SUPT3H: variants seen among roughly 807,000 people sequenced by gnomAD.
SUPT3H encodes transcription initiation protein SPT3 homolog.
In SUPT3H, 44 loss-of-function variants were observed where a neutral mutation model predicts 44.3. The observed-to-expected ratio is 0.99, with a 90% CI of 0.78 to 1.28. The LOEUF is 1.28. SUPT3H is among the 50% of genes most tolerant of loss of function. The pLI, the probability that SUPT3H is intolerant of heterozygous loss-of-function variation, is 0.00. For synonymous variants in SUPT3H, 124 were observed against 125.6 expected, an observed-to-expected ratio of 0.99 and a Z score of 0.09; for missense variants, 380 against 387.1, an observed-to-expected ratio of 0.98 and a Z score of 0.15.
chr6:45,107,858 C>A (rs1562473892), intron 2 of SUPT3H, among the ~76,000 whole-genome samples: 1 of 152,024 alleles, frequency 6.6e-6, no homozygotes, highest in Non-Finnish European at 1.5e-5. Flanking sequence ...AAATAAGTAT[C>A]TATTAACTAT....
downstream of SUPT3H, among the ~76,000 whole-genome samples, chr6:44,824,623 GA>G (rs1231163626): frequency 6.6e-6 from 1 of 152,138 alleles, no homozygotes; most frequent in Non-Finnish European, 1.5e-5. Flanking sequence ...AGAAGCTGCT[GA>G]CTGGGTGTGG....
At chr6:44,884,055 T>TAC (rs1206303828) in intron 10 of SUPT3H, among the ~76,000 whole-genome samples, 3 of 152,032 alleles carry the variant, frequency 2.0e-5, no homozygotes, top group African/African-American at 7.2e-5. Flanking sequence ...TGAAAGAAAC[T>TAC]CATCAGAGTG....
At chr6:45,004,922 C>T (rs1782490066) in intron 5 of SUPT3H, among the ~76,000 whole-genome samples, 1 of 152,152 alleles carries the variant, frequency 6.6e-6, no homozygotes, top group Non-Finnish European at 1.5e-5. Flanking sequence ...CCACAGCTTT[C>T]CAGCCAATCC....
chr6:45,153,988 T>G (rs1015033833), intron 2 of SUPT3H, among the ~76,000 whole-genome samples: 5 of 145,072 alleles, frequency 3.4e-5, no homozygotes, highest in African/African-American at 1.3e-4. Context: ...GAGAATCGCT[T>G]GAACCCGGGA....
chr6:45,210,350 G>T (rs1763890918), intron 2 of SUPT3H, among the ~76,000 whole-genome samples: 1 of 152,160 alleles, frequency 6.6e-6, no homozygotes, highest in Non-Finnish European at 1.5e-5. Context: ...ATGCATATCT[G>T]ATTGCTTTCT....
chr6:45,023,010 T>C (rs1354900037), intron 3 of SUPT3H, among the ~76,000 whole-genome samples: 1 of 152,036 alleles, frequency 6.6e-6, no homozygotes, highest in African/African-American at 2.4e-5. Flanking sequence ...TTGGTTTACT[T>C]CTCCTGCAAA....
intron 2 of SUPT3H, among the ~76,000 whole-genome samples, chr6:45,250,259 T>C (rs1297785364): frequency 6.6e-6 from 1 of 151,786 alleles, no homozygotes; most frequent in Non-Finnish European, 1.5e-5. Context: ...GAAAACTTCA[T>C]GCAATCATGA....
chr6:45,129,988 A>G (rs1803177425), intron 2 of SUPT3H, among the ~76,000 whole-genome samples: 1 of 152,248 alleles, frequency 6.6e-6, no homozygotes, highest in Non-Finnish European at 1.5e-5. Context: ...CTAAGTGATC[A>G]AAATATTCTA....
chr6:44,889,600 C>G (rs138821251), intron 10 of SUPT3H, among the ~76,000 whole-genome samples: 7,165 of 152,192 alleles, frequency 0.047, 242 homozygotes, highest in South Asian at 0.13. Flanking sequence ...ACGCCTTATA[C>G]AAAAATTAAT....
At position 45,190,664 on chromosome 6, in the gene SUPT3H, T is replaced by C. The variant is rs181001599; in HGVS notation, c.102-84658A>G. Among the ~76,000 whole-genome samples, 22 of 152,222 alleles carry C rather than the reference T, an allele frequency of 1.4e-4. No individual in the cohort carries two copies. The East Asian group carries it at 3.9e-3, about 27-fold the overall frequency. On this transcript the variant is annotated intron_variant, in intron 2 of 10. Transcript: ENST00000371459. ...TTTAAAAGAATAAAAAGACAAGCCATAGACCATCTTTGTAAAACACTTATT... is the reference window on the plus strand; with the variant it reads ...TTTAAAAGAATAAAAAGACAAGCCACAGACCATCTTTGTAAAACACTTATT...
intron 6 of SUPT3H, among the ~76,000 whole-genome samples, chr6:44,974,660 C>G (rs1337748045): frequency 6.6e-6 from 1 of 152,158 alleles, no homozygotes; most frequent in East Asian, 1.9e-4. Flanking sequence ...CATGCTGTGT[C>G]ATTTCTATCA....
chr6:45,136,567 C>A (rs997275123), intron 2 of SUPT3H, among the ~76,000 whole-genome samples: 2 of 150,334 alleles, frequency 1.3e-5, no homozygotes, highest in South Asian at 4.2e-4. Context: ...AGTATAACAA[C>A]AATAATCCAC....
intron 2 of SUPT3H, among the ~76,000 whole-genome samples, chr6:45,272,734 CT>C (rs1776401000): frequency 6.6e-6 from 1 of 152,144 alleles, no homozygotes; most frequent in Non-Finnish European, 1.5e-5. Flanking sequence ...AGGATTCTAG[CT>C]TTACCAGGCA....
chr6:44,905,007 A>G (rs1387950970), intron 10 of SUPT3H, among the ~76,000 whole-genome samples: 1 of 152,200 alleles, frequency 6.6e-6, no homozygotes, highest in Non-Finnish European at 1.5e-5. Flanking sequence ...TACACCTTAT[A>G]CAAAAATTAA....
intron 3 of SUPT3H, among the ~76,000 whole-genome samples, chr6:45,039,821 A>G (rs1407790503): frequency 2.2e-5 from 3 of 138,546 alleles, no homozygotes; most frequent in Non-Finnish European, 4.6e-5. Flanking sequence ...AACAAACAAA[A>G]AAAACCCTCT....
At chr6:45,278,576 A>G (rs1777414678) in intron 2 of SUPT3H, among the ~76,000 whole-genome samples, 1 of 152,224 alleles carries the variant, frequency 6.6e-6, no homozygotes, top group Non-Finnish European at 1.5e-5. Context: ...TATGACAACT[A>G]GCGAACTAGC....
chr6:45,137,109 C>G (rs1195257280), intron 2 of SUPT3H, among the ~76,000 whole-genome samples: 3 of 151,860 alleles, frequency 2.0e-5, no homozygotes, highest in Non-Finnish European at 4.4e-5. Context: ...GTTAGAAGGG[C>G]TAAAAGAAAT....
intron 2 of SUPT3H, among the ~76,000 whole-genome samples, chr6:45,115,518 C>G (rs1197530203): frequency 6.6e-6 from 1 of 152,100 alleles, no homozygotes; most frequent in East Asian, 1.9e-4. Flanking sequence ...AACGTATTTA[C>G]TGTGTATATA....
chr6:45,223,949 C>T (rs559401207), intron 2 of SUPT3H, among the ~76,000 whole-genome samples: 1 of 149,396 alleles, frequency 6.7e-6, no homozygotes, highest in African/African-American at 2.4e-5. Context: ...ACTTAACCAA[C>T]AGTAAATTAC....
Sources: gnomAD v4.1 joint callset for allele counts (sites outside exome capture counted in the v4.1 genomes callset) on GRCh38, gnomAD v4.1.1 for gene constraint, MANE v1.5 for transcripts, NCBI Gene and HGNC (gene_info 2026-07-23, HGNC 2026-07-21) for gene names.